RABGAP1L: variants seen among roughly 807,000 people sequenced by gnomAD.
RABGAP1L encodes the protein rab GTPase-activating protein 1-like.
RABGAP1L carries 63 observed loss-of-function variants against 137.7 expected under a neutral mutation model. The observed-to-expected ratio is 0.46, with a 90% confidence interval of 0.37 to 0.56. The LOEUF (loss-of-function observed/expected upper bound fraction) is 0.56. Among genes scored for constraint, RABGAP1L ranks in the 20% least tolerant of loss-of-function variants. RABGAP1L has a pLI of 0.00. For synonymous variants in RABGAP1L, 431 were observed against 433.7 expected (o/e 0.99, Z 0.08); for missense variants, 1,095 against 1,244.0 (o/e 0.88, Z 1.80).
chr1:174,415,417 TG>T (rs1388777015), intron 13 of RABGAP1L, among the ~76,000 whole-genome samples: 1 of 150,910 alleles, frequency 6.6e-6, no homozygotes, highest in East Asian at 2.0e-4. Flanking sequence ...TGGAATATCA[TG>T]GATATGCATA....
Position 174,215,473 on chromosome 1 carries a change from T to A in RABGAP1L, c.-33-3652T>A, listed in dbSNP as rs902988686. 4.2e-3 allele frequency among the ~76,000 whole-genome samples: 405 copies of A among 95,876 alleles called. 2 individuals are homozygous for A. The highest frequency in any genetic ancestry group is 9.7e-3 in the South Asian group (28 of 2,894). The allele number at this position is 95,876 out of a possible 152,430, so 62.9% of individuals were successfully genotyped here. A position where few individuals can be genotyped will look rare whatever the true frequency, so the allele number is the denominator to read the frequency against. On this transcript the variant is annotated intron_variant, in intron 1 of 25. Coordinates refer to ENST00000681986, the MANE Select transcript of RABGAP1L (RefSeq NM_001366446.1). ...ACTCCATCTCAAAAAAAAAAAATAATAATAATAAAATAAAATCTAATTTAA... is the reference window on the plus strand; with the variant it reads ...ACTCCATCTCAAAAAAAAAAAATAAAAATAATAAAATAAAATCTAATTTAA...
intron 13 of RABGAP1L, among the ~76,000 whole-genome samples, chr1:174,580,871 T>A (rs147092174): frequency 6.6e-6 from 1 of 152,186 alleles, no homozygotes; most frequent in East Asian, 1.9e-4. Flanking sequence ...TCAATATTTC[T>A]CCAAAGAGAA....
intron 14 of RABGAP1L, among the ~76,000 whole-genome samples, chr1:174,681,333 T>G (rs984882155): frequency 2.6e-5 from 4 of 152,204 alleles, no homozygotes; most frequent in African/African-American, 9.6e-5. Context: ...TCATGGTATA[T>G]TCATACAGTA....
At chr1:174,877,533 C>T (rs775073131) in intron 19 of RABGAP1L, 1 of 1,614,078 alleles carries the variant, frequency 6.2e-7, no homozygotes, top group Non-Finnish European at 8.5e-7. Context: ...CCTATGACGC[C>T]CATGTTTTCA....
intron 11 of RABGAP1L, among the ~76,000 whole-genome samples, chr1:174,349,079 G>A (rs1682762235): frequency 7.0e-6 from 1 of 143,210 alleles, no homozygotes; most frequent in Non-Finnish European, 1.5e-5. Context: ...CTCCCTCCAA[G>A]ACGGGGCGGC....
At chr1:174,584,244 T>C (rs1455883705) in intron 13 of RABGAP1L, among the ~76,000 whole-genome samples, 1 of 152,214 alleles carries the variant, frequency 6.6e-6, no homozygotes, top group Non-Finnish European at 1.5e-5. Flanking sequence ...TCATATTTTT[T>C]GGCAGTCTGT....
chr1:174,672,226 G>C (rs2148449287), intron 14 of RABGAP1L, among the ~76,000 whole-genome samples: 1 of 141,890 alleles, frequency 7.0e-6, no homozygotes, highest in Admixed American at 6.9e-5. Flanking sequence ...TAGTCTAGGT[G>C]TTTATTTTAT....
intron 1 of RABGAP1L, among the ~76,000 whole-genome samples, chr1:174,187,101 T>G (rs1666861605): frequency 6.6e-6 from 1 of 152,190 alleles, no homozygotes; most frequent in African/African-American, 2.4e-5. Flanking sequence ...GAATGATAAT[T>G]TCTTTAAATC....
intron 13 of RABGAP1L, among the ~76,000 whole-genome samples, chr1:174,579,910 G>A (rs575426980): frequency 6.6e-6 from 1 of 152,232 alleles, no homozygotes; most frequent in East Asian, 1.9e-4. Flanking sequence ...TACAGTGTGT[G>A]CCACCACGCC....
At chr1:174,481,664 A>T (rs1328157279) in intron 13 of RABGAP1L, among the ~76,000 whole-genome samples, 5 of 152,172 alleles carry the variant, frequency 3.3e-5, no homozygotes, top group African/African-American at 1.2e-4. Flanking sequence ...AAAGGAGAGA[A>T]ATCATCACTG....
At chr1:174,308,134 T>C (rs1678476234) in intron 11 of RABGAP1L, among the ~76,000 whole-genome samples, 1 of 151,974 alleles carries the variant, frequency 6.6e-6, no homozygotes, top group South Asian at 2.1e-4. Flanking sequence ...TCTATTTAGG[T>C]CCCCTGTCCA....
At chr1:174,856,095 C>A (rs1350921974) in intron 19 of RABGAP1L, among the ~76,000 whole-genome samples, 1 of 152,034 alleles carries the variant, frequency 6.6e-6, no homozygotes, top group Non-Finnish European at 1.5e-5. Flanking sequence ...TTTCAGTTGG[C>A]CAGTTAAAAT....
intron 17 of RABGAP1L, among the ~76,000 whole-genome samples, chr1:174,724,181 A>G (rs1572934565): frequency 6.6e-6 from 1 of 152,286 alleles, no homozygotes; most frequent in African/African-American, 2.4e-5. Flanking sequence ...TTAAAATTTT[A>G]TATTAGATTT....
At chr1:174,813,194 T>G (rs1690052035) in intron 19 of RABGAP1L, among the ~76,000 whole-genome samples, 1 of 152,116 alleles carries the variant, frequency 6.6e-6, no homozygotes, top group Admixed American at 6.6e-5. Context: ...ACAGGAGATT[T>G]TGGAGTAATC....
intron 1 of RABGAP1L, among the ~76,000 whole-genome samples, chr1:174,197,560 G>T (rs930542765): frequency 6.6e-6 from 1 of 152,064 alleles, no homozygotes; most frequent in Non-Finnish European, 1.5e-5. Context: ...TTTCTTAAGC[G>T]TAGCACAATA....
chr1:174,706,689 G>C (rs61828062), intron 17 of RABGAP1L, among the ~76,000 whole-genome samples: 13,702 of 152,094 alleles, frequency 0.09, 828 homozygotes, highest in East Asian at 0.22. Context: ...AGAACAAAAA[G>C]GAACATTATC....
intron 13 of RABGAP1L, among the ~76,000 whole-genome samples, chr1:174,615,574 C>G (rs565956179): frequency 6.6e-6 from 1 of 152,234 alleles, no homozygotes; most frequent in South Asian, 2.1e-4. Flanking sequence ...AGATCTCCAG[C>G]TGTGTGCTGA....
chr1:174,826,080 G>T (rs939379193), intron 19 of RABGAP1L, among the ~76,000 whole-genome samples: 59 of 152,056 alleles, frequency 3.9e-4, no homozygotes. Context: ...AGTATCTGTT[G>T]TTCCCATCTC....
intron 11 of RABGAP1L, among the ~76,000 whole-genome samples, chr1:174,316,256 A>G (rs575319078): frequency 1.4e-4 from 21 of 152,050 alleles, no homozygotes; most frequent in Non-Finnish European, 2.9e-4. Flanking sequence ...TATTGAGTTC[A>G]TTTGGTGAGG....
Sources: gnomAD v4.1 joint callset for allele counts (sites outside exome capture counted in the v4.1 genomes callset) on GRCh38, gnomAD v4.1.1 for gene constraint, MANE v1.5 for transcripts, NCBI Gene and HGNC (gene_info 2026-07-23, HGNC 2026-07-21) for gene names.